SPEG: variants seen among roughly 807,000 people sequenced by gnomAD.
SPEG encodes the protein striated muscle enriched protein kinase.
In SPEG, 114 loss-of-function variants were observed where a neutral mutation model predicts 300.4. The ratio of observed to expected loss-of-function variants is 0.38; its 90% CI spans 0.33 to 0.44. The LOEUF (loss-of-function observed/expected upper bound fraction) is 0.44, where lower values mean the gene tolerates loss of function less well. Ranked by LOEUF, SPEG falls within the 20% of genes least tolerant of loss-of-function variation. The pLI is 1.00. For missense variants in SPEG, 4,201 were observed against 4,586.2 expected, an observed-to-expected ratio of 0.92 and a Z score of 2.43; for synonymous variants, 1,964 against 2,018.9, an observed-to-expected ratio of 0.97 and a Z score of 0.73.
In SPEG at chr2:219,473,912, C is replaced by G. The variant is rs1216027002; in HGVS notation, c.4447+9C>G. The G allele has an allele frequency of 6.3e-7, 1 of 1,598,962 alleles. No individual in the cohort carries two copies. Among genetic ancestry groups the G allele is most frequent in the South Asian group, 1.1e-5 (1 of 90,108 alleles). The stretch of plus-strand genomic sequence containing the variant: ...CACATTGGAGCTGGCAGGTGGGTGA[C>G]AGCGGGCCTTCTTCCTAGCCTCCCT... On this transcript the variant is annotated intron_variant, in intron 18 of 40. Coordinates refer to ENST00000312358, the MANE Select transcript of SPEG (RefSeq NM_005876.5). This position sits in a 1 kb window ranked among gnomAD's most constrained non-coding sequence, Gnocchi z 4.6.
In SPEG at chr2:219,483,619, C is replaced by T. The variant is rs1261882897; in HGVS notation, c.6156C>T (p.Arg2052=). The change falls in exon 30 of 41, where the codon CGC becomes CGT. Residue 2052 remains arginine (R), a synonymous_variant. Coordinates refer to ENST00000312358, the MANE Select transcript of SPEG (RefSeq NM_005876.5). ...QRRSPSPGAT[R]LARGGLGEGE... is the part of the protein sequence containing the mutation. ...GGAGCCCCAGCCCGGGAGCCACCCGCCTGGCCCGGGGAGGCCTGGGTGAGG... is the reference window on the plus strand; with the variant it reads ...GGAGCCCCAGCCCGGGAGCCACCCGTCTGGCCCGGGGAGGCCTGGGTGAGG... 1.3e-6 allele frequency: 2 copies of T among 1,510,204 alleles called. No individual in the cohort carries two copies. The highest frequency in any genetic ancestry group is 8.8e-7 in the Non-Finnish European group (1 of 1,137,536). 93.6% of individuals were successfully genotyped at this position (1,510,204 alleles called of 1,614,324 possible).
At chr2:219,463,069 A>T (rs1690880459) in intron 8 of SPEG, among the ~76,000 whole-genome samples, 1 of 152,070 alleles carries the variant, frequency 6.6e-6, no homozygotes, top group Admixed American at 6.6e-5. Context: ...AATTAGCTGG[A>T]CGTGGTAGTA....
rs112849298 is a variant in SPEG at position 219,467,812 on chromosome 2, G to T, written c.3142+378G>T. Among the ~76,000 whole-genome samples, 414 of 152,362 alleles carry T rather than the reference G, an allele frequency of 2.7e-3. 1 individual carries two copies. Among genetic ancestry groups the T allele is most frequent in the African/African-American group, 8.8e-3 (364 of 41,590 alleles). Reference sequence around the variant, plus strand: ...TCCTCCTCTGTAGAGGGATTGGCAGGATTAATGAGATAGTTTATGTGAAGA... The same window carrying T: ...TCCTCCTCTGTAGAGGGATTGGCAGTATTAATGAGATAGTTTATGTGAAGA... On this transcript the variant is annotated intron_variant, in intron 10 of 40. Transcript: ENST00000312358.
At chr2:219,465,617 C>G (rs752554209) in intron 9 of SPEG, 6 of 252,666 alleles carry the variant, frequency 2.4e-5, no homozygotes, top group Non-Finnish European at 4.6e-5. Flanking sequence ...CTCCTGATCC[C>G]ATGAATGCCT....
At chr2:219,492,343 T>G (rs1694051644) in intron 40 of SPEG, 83 bp downstream of exon 40, 1 of 1,456,242 alleles carries the variant, frequency 6.9e-7, no homozygotes, top group Non-Finnish European at 9.4e-7. Flanking sequence ...GCTCCTCCCC[T>G]GCTCCTAGGA....
At chr2:219,466,953 C>T in intron 9 of SPEG, 1 of 1,063,814 alleles carries the variant, frequency 9.4e-7, no homozygotes, top group Non-Finnish European at 1.2e-6. Flanking sequence ...CTCTTGCCTC[C>T]ATGAATCACC....
intron 4 of SPEG, chr2:219,450,543 TG>T (rs1418921426): frequency 6.6e-6 from 1 of 152,266 alleles, no homozygotes; most frequent in African/African-American, 2.4e-5. Flanking sequence ...CTAGTGTTCT[TG>T]GTACCCATAC....
In SPEG at chr2:219,449,073, C is replaced by A; in HGVS notation, c.1915C>A (p.Arg639Ser). ...RKREPPAQAV[R>S]FLPWATPGLE... The stretch of plus-strand genomic sequence containing the variant: ...GCGGGAGCCCCCGGCGCAGGCCGTG[C>A]GCTTCCTGCCCTGGGCCACGCCGGG... The change falls in exon 4 of 41, where the codon CGC becomes AGC. Residue 639 changes from arginine to serine, a missense_variant. Coordinates refer to ENST00000312358, the MANE Select transcript of SPEG (RefSeq NM_005876.5). The A allele has an allele frequency of 1.3e-6, 2 of 1,516,944 alleles. No homozygotes were observed. Among genetic ancestry groups the A allele is most frequent in the Non-Finnish European group, 1.8e-6 (2 of 1,132,196 alleles). 94.0% of individuals were successfully genotyped at this position (1,516,944 alleles called of 1,614,324 possible).
In SPEG at chr2:219,476,914, G is replaced by T; in HGVS notation, c.4492G>T (p.Ala1498Ser). Reference sequence around the variant, plus strand: ...CATCATGGAGGACGTGGAGGTGGGGGCTGGGGAAACTGCTCGCTTTGCGGT... The same window carrying T: ...CATCATGGAGGACGTGGAGGTGGGGTCTGGGGAAACTGCTCGCTTTGCGGT... ...ESIMEDVEVG[A>S]GETARFAVVV... Residue 1498 changes from alanine to serine, a missense_variant, in exon 19 of 41, where the codon GCT becomes TCT. Transcript: ENST00000312358. 6.2e-7 allele frequency: 1 copy of T among 1,613,818 alleles called. No individual in the cohort carries two copies. Among genetic ancestry groups the T allele is most frequent in the Non-Finnish European group, 8.5e-7 (1 of 1,179,956 alleles).
rs780847300 is a variant in SPEG at position 219,477,429 on chromosome 2, G to A, written c.4713G>A (p.Glu1571=). 1.8e-5 allele frequency: 29 copies of A among 1,591,342 alleles called. No individual in the cohort carries two copies. Among genetic ancestry groups the A allele is most frequent in the Non-Finnish European group, 2.3e-5 (27 of 1,168,556 alleles). ...NLAGEVSCKA[E]LAVHSAQTAM... Reference sequence around the variant, plus strand: ...CGGGTGAGGTCTCCTGCAAAGCAGAGTTGGCTGTGCATTCAGGTAGGCAGG... The same window carrying A: ...CGGGTGAGGTCTCCTGCAAAGCAGAATTGGCTGTGCATTCAGGTAGGCAGG... Residue 1571 remains glutamate, a synonymous_variant, in exon 20 of 41, where the codon GAG becomes GAA. Transcript: ENST00000312358. This position sits in a 1 kb window ranked among gnomAD's most constrained non-coding sequence, Gnocchi z 6.4.
In SPEG at chr2:219,451,694, G is replaced by C. The variant is rs771136294; in HGVS notation, c.2327G>C (p.Arg776Pro). 6.3e-7 allele frequency: 1 copy of C among 1,576,188 alleles called. No individual in the cohort carries two copies. The highest frequency in any genetic ancestry group is 8.6e-7 in the Non-Finnish European group (1 of 1,162,256). Residue 776 changes from arginine (R) to proline (P), a missense_variant, in exon 6 of 41, where the codon CGG becomes CCG. Arg to Pro is a moderately radical substitution (Grantham distance 103). Around this residue, in one of 4 missense-constraint regions of SPEG, gnomAD observed 1,258 missense variants for 1,293.9 expected, o/e 0.97. Transcript: ENST00000312358. This position sits in a 1 kb window ranked among gnomAD's most constrained non-coding sequence, Gnocchi z 6.4. ...GRLLLRAEGERHTLLLREARA... is the reference protein window; with the variant it reads ...GRLLLRAEGEPHTLLLREARA... The stretch of plus-strand genomic sequence containing the variant: ...CTCCTCCTCCGGGCTGAGGGTGAGC[G>C]GCACACCCTGCTGCTCAGGGAGGCC...
chr2:219,477,962 G>C lies in SPEG; in HGVS notation c.4884G>C (p.Ala1628=). 1 of 1,614,164 alleles carries C rather than the reference G, an allele frequency of 6.2e-7. No homozygotes were observed. The highest frequency in any genetic ancestry group is 1.1e-5 in the South Asian group (1 of 91,082). The part of the protein sequence containing the change: ...IVERSSGLEF[A]AKFIPSQAKP... ...AGCGTAGCTCCGGCCTGGAGTTTGC[G>C]GCCAAGTTCATCCCCAGCCAGGCCA... The change falls in exon 22 of 41, where the codon GCG becomes GCC. Residue 1628 remains alanine, a synonymous_variant. Transcript: ENST00000312358. The surrounding 1 kb of genome is among the most constrained non-coding windows in gnomAD (Gnocchi z 6.4).
intron 1 of SPEG, among the ~76,000 whole-genome samples, chr2:219,440,820 A>G (rs1954843272): frequency 6.6e-6 from 1 of 152,214 alleles, no homozygotes; most frequent in Admixed American, 6.5e-5. Flanking sequence ...ATTCACATAG[A>G]GTGCTTAGCA....
In SPEG at chr2:219,434,922, G is replaced by C; in HGVS notation, c.-56G>C. 7.4e-7 allele frequency: 1 copy of C among 1,346,964 alleles called. No individual in the cohort carries two copies. The highest frequency in any genetic ancestry group is 9.8e-7 in the Non-Finnish European group (1 of 1,022,566). The allele number at this position is 1,346,964 out of a possible 1,614,324, so 83.4% of individuals were successfully genotyped here. On this transcript the variant is annotated 5_prime_UTR_variant, in exon 1 of 41. Coordinates refer to ENST00000312358, the MANE Select transcript of SPEG (RefSeq NM_005876.5). ...CTTGTCTCCTAGGGCACCGTCCCGC[G>C]GGTGCCCCCGTGGCCGCCCAGTTCC...
At position 219,466,137 on chromosome 2, in the gene SPEG, C is replaced by T. The variant is rs1255168794; in HGVS notation, c.2882-1037C>T. ...CCTGTCTCAGGCACCTCTCGGACCTCGCTGTGTTTCACTGCCTCCTGCCCA... is the reference window on the plus strand; with the variant it reads ...CCTGTCTCAGGCACCTCTCGGACCTTGCTGTGTTTCACTGCCTCCTGCCCA... On this transcript the variant is annotated intron_variant, in intron 9 of 40. Coordinates refer to ENST00000312358, the MANE Select transcript of SPEG (RefSeq NM_005876.5). 8 of 1,555,286 alleles carry T rather than the reference C, an allele frequency of 5.1e-6. No individual in the cohort carries two copies. In the African/African-American group the frequency reaches 9.5e-5, roughly 18 times the overall value.
intron 13 of SPEG, among the ~76,000 whole-genome samples, chr2:219,471,024 G>C (rs1691828391): frequency 6.6e-6 from 1 of 152,168 alleles, no homozygotes; most frequent in Non-Finnish European, 1.5e-5. Flanking sequence ...GGAGCTTGCA[G>C]ACCAGGTCAG....
In SPEG at chr2:219,448,808, C is replaced by A; in HGVS notation, c.1650C>A (p.Pro550=). The A allele has an allele frequency of 7.1e-7, 1 of 1,402,762 alleles. No individual in the cohort carries two copies. The highest frequency in any genetic ancestry group is 9.2e-7 in the Non-Finnish European group (1 of 1,086,814). 86.9% of individuals were successfully genotyped at this position (1,402,762 alleles called of 1,614,324 possible). The change falls in exon 4 of 41, where the codon CCC becomes CCA. Residue 550 remains proline (P), a synonymous_variant. Transcript: ENST00000312358. ...CCAAGACATCGCGGGCCGTGAGCCC[C>A]GCCGCCGCCCAGCCGCCCTCTCCGA... ...STPKTSRAVS[P]AAAQPPSPSS... is the part of the protein sequence containing the mutation.
Position 219,489,396 on chromosome 2 carries a change from G to A in SPEG, c.8378G>A (p.Arg2793Lys), listed in dbSNP as rs1484347605. The A allele has an allele frequency of 6.2e-7, 1 of 1,612,652 alleles. No homozygotes were observed. The highest frequency in any genetic ancestry group is 1.1e-5 in the South Asian group (1 of 90,984). ...GCCCCTGTCACCTCAAGGCCAGCCAGGGCCCGGCCTCCTGACTCTCCTACC... is the reference window on the plus strand; with the variant it reads ...GCCCCTGTCACCTCAAGGCCAGCCAAGGCCCGGCCTCCTGACTCTCCTACC... The part of the protein sequence containing the change: ...QEAPVTSRPA[R>K]ARPPDSPTSL... The change falls in exon 36 of 41, where the codon AGG becomes AAG. Residue 2793 changes from arginine to lysine, a missense_variant. By Grantham distance (26) the Arg-to-Lys change is conservative. This residue lies in a region of SPEG where 1,578 missense variants were observed against 1,506.0 expected (regional missense o/e 1.05). Coordinates refer to ENST00000312358, the MANE Select transcript of SPEG (RefSeq NM_005876.5).
At position 219,435,256 on chromosome 2, in the gene SPEG, G is replaced by A. The variant is rs1229949814; in HGVS notation, c.279G>A (p.Leu93=). Reference sequence around the variant, plus strand: ...CGCCGGCCCCCGAGCCCAGCTGCCTGTGGCTGCGGCGCTGCGGGGCGCAGG... The same window carrying A: ...CGCCGGCCCCCGAGCCCAGCTGCCTATGGCTGCGGCGCTGCGGGGCGCAGG... The part of the protein sequence containing the change: ...LPAPAPEPSC[L]WLRRCGAQDA... Residue 93 remains leucine (L), a synonymous_variant, in exon 1 of 41, where the codon CTG becomes CTA. Coordinates refer to ENST00000312358, the MANE Select transcript of SPEG (RefSeq NM_005876.5). 2 of 1,488,526 alleles carry A rather than the reference G, an allele frequency of 1.3e-6. No individual in the cohort carries two copies. The highest frequency in any genetic ancestry group is 1.8e-6 in the Non-Finnish European group (2 of 1,128,844). 92.2% of individuals were successfully genotyped at this position (1,488,526 alleles called of 1,614,324 possible).
Sources: gnomAD v4.1 joint callset for allele counts (sites outside exome capture counted in the v4.1 genomes callset) on GRCh38, gnomAD v4.1.1 for gene constraint, gnomAD v4.1.1 regional missense constraint, Gnocchi (gnomAD v3.1) non-coding constraint, MANE v1.5 for transcripts, NCBI Gene and HGNC (gene_info 2026-07-23, HGNC 2026-07-21) for gene names.